Variants in THNSL1 observed in about 807,000 individuals in gnomAD.
The protein encoded by THNSL1 is threonine synthase like 1, also known as threonine synthase-like 1.
A neutral mutation model predicts 50.4 loss-of-function variants in THNSL1; 48 were observed. The observed-to-expected ratio is 0.95, with a 90% CI of 0.76 to 1.21. THNSL1 has a LOEUF of 1.21. THNSL1 is among the 50% of genes most tolerant of loss of function. THNSL1 has a pLI of 0.00. For missense variants in THNSL1, 896 were observed against 871.7 expected (o/e 1.03, Z -0.35); for synonymous variants, 309 against 306.1 (o/e 1.01, Z -0.10).
rs1359309963 is a variant in THNSL1, at chr10:25,021,913, G to A, written c.-49+5G>A. The A allele has an allele frequency of 6.6e-6, 1 of 152,138 alleles. No individual in the cohort carries two copies. Among genetic ancestry groups the A allele is most frequent in the Non-Finnish European group, 1.5e-5 (1 of 68,012 alleles). The allele number at this position is 152,138 out of a possible 1,614,324, so 9.4% of individuals were successfully genotyped here. On this transcript the variant is annotated splice_donor_5th_base_variant and intron_variant, in intron 2 of 2. Coordinates refer to ENST00000376356, the MANE Select transcript of THNSL1 (RefSeq NM_024838.5). ...TTGACGGCTCTAATTTTACTTGTAAGTTAAATTCAGAGTTAGCTTAAAATC... is the reference window on the plus strand; with the variant it reads ...TTGACGGCTCTAATTTTACTTGTAAATTAAATTCAGAGTTAGCTTAAAATC...
chr10:24,998,303 C>T, the THNSL1 span, among the ~76,000 whole-genome samples: 1 of 150,032 alleles, frequency 6.7e-6, no homozygotes, highest in African/African-American at 2.4e-5. Flanking sequence ...CTTCTCTTCT[C>T]TTCTCCTCTC....
upstream of THNSL1, chr10:25,016,073 C>A (rs1225539469): frequency 1.4e-6 from 2 of 1,401,210 alleles, no homozygotes; most frequent in Non-Finnish European, 1.9e-6. Flanking sequence ...TCCTTCACAT[C>A]GTCCCCCTTT....
intron 1 of THNSL1, among the ~76,000 whole-genome samples, chr10:25,018,611 C>G (rs530663123): frequency 6.6e-6 from 1 of 151,180 alleles, no homozygotes; most frequent in Non-Finnish European, 1.5e-5. Context: ...GATCCTAGAT[C>G]CCCGTATATA....
the THNSL1 span, among the ~76,000 whole-genome samples, chr10:24,974,691 A>T: frequency 7.9e-5 from 12 of 152,338 alleles, no homozygotes; most frequent in African/African-American, 2.9e-4. Flanking sequence ...TACCGAAATA[A>T]CTAGAAATTT....
At chr10:24,977,541 A>G in the THNSL1 span, among the ~76,000 whole-genome samples, 3 of 152,194 alleles carry the variant, frequency 2.0e-5, no homozygotes, top group Non-Finnish European at 4.4e-5. Context: ...TTAGATGTCC[A>G]TCAATAGGGT....
chr10:24,985,753 CT>C, the THNSL1 span, among the ~76,000 whole-genome samples: 4 of 152,188 alleles, frequency 2.6e-5, no homozygotes, highest in Non-Finnish European at 5.9e-5. Flanking sequence ...TAAGTCAACA[CT>C]TTTTAATTAT....
chr10:24,959,996 T>C, the THNSL1 span, among the ~76,000 whole-genome samples: 2 of 152,200 alleles, frequency 1.3e-5, no homozygotes, highest in African/African-American at 4.8e-5. Flanking sequence ...AACTTGGTGT[T>C]TTCCTAGAAG....
At chr10:24,979,031 C>A in the THNSL1 span, among the ~76,000 whole-genome samples, 1 of 152,170 alleles carries the variant, frequency 6.6e-6, no homozygotes, top group Admixed American at 6.6e-5. Context: ...CTCTTTTCTT[C>A]CCCCGATCTG....
chr10:24,998,086 G>A, the THNSL1 span, among the ~76,000 whole-genome samples: 1 of 152,120 alleles, frequency 6.6e-6, no homozygotes, highest in Non-Finnish European at 1.5e-5. Flanking sequence ...TTGCCTGATA[G>A]TGCCCTCACC....
At chr10:24,995,006 A>G in the THNSL1 span, among the ~76,000 whole-genome samples, 5,602 of 152,216 alleles carry the variant, frequency 0.037, 246 homozygotes, top group African/African-American at 0.11. Flanking sequence ...GGGAAACAGC[A>G]TGAGAATATG....
At chr10:24,954,369 C>T in the THNSL1 span, among the ~76,000 whole-genome samples, 1 of 152,008 alleles carries the variant, frequency 6.6e-6, no homozygotes, top group African/African-American at 2.4e-5. Context: ...GACCATCTTA[C>T]TGCTTGGATA....
At chr10:24,968,231 T>A in the THNSL1 span, among the ~76,000 whole-genome samples, 2 of 152,122 alleles carry the variant, frequency 1.3e-5, no homozygotes, top group Non-Finnish European at 2.9e-5. Context: ...AGGAAAGAAC[T>A]CTCTCTCTGT....
intron 1 of THNSL1, among the ~76,000 whole-genome samples, chr10:25,018,415 T>G (rs1488058092): frequency 6.6e-6 from 1 of 152,252 alleles, no homozygotes; most frequent in Non-Finnish European, 1.5e-5. Flanking sequence ...AGTAAATATT[T>G]CAGGCCTTTT....
At chr10:24,973,204 C>A in the THNSL1 span, among the ~76,000 whole-genome samples, 1 of 152,088 alleles carries the variant, frequency 6.6e-6, no homozygotes, top group Non-Finnish European at 1.5e-5. Flanking sequence ...GACTTGCCAG[C>A]AGCACTACTC....
upstream of THNSL1, among the ~76,000 whole-genome samples, chr10:25,013,697 C>T (rs1431942725): frequency 6.6e-6 from 1 of 152,314 alleles, no homozygotes; most frequent in East Asian, 1.9e-4. Context: ...AATCATAGCA[C>T]TTTGGGAGGC....
the THNSL1 span, among the ~76,000 whole-genome samples, chr10:24,996,155 T>C: frequency 2.0e-5 from 3 of 152,186 alleles, no homozygotes; most frequent in Non-Finnish European, 4.4e-5. Context: ...AATCAATTAA[T>C]ATGTTGAGGA....
At chr10:25,019,996 A>AATGAGGAT (rs1181204402) in intron 1 of THNSL1, among the ~76,000 whole-genome samples, 1 of 152,166 alleles carries the variant, frequency 6.6e-6, no homozygotes, top group East Asian at 1.9e-4. Context: ...TCAAAAAAGA[A>AATGAGGAT]ATGAGGATGT....
chr10:25,016,156 T>G (rs562056422), upstream of THNSL1: 155 of 1,209,844 alleles, frequency 1.3e-4, no homozygotes, highest in African/African-American at 2.3e-3. Context: ...CGTCGTTGAC[T>G]GTGCGGTTGC....
chr10:25,016,491 C>T (rs1450569979), upstream of THNSL1, among the ~76,000 whole-genome samples: 1 of 152,198 alleles, frequency 6.6e-6, no homozygotes, highest in Non-Finnish European at 1.5e-5. Context: ...CACGAGGACG[C>T]AAGGCCAGCG....
Sources: allele counts gnomAD v4.1 joint callset (sites outside exome capture counted in the v4.1 genomes callset), GRCh38; gene constraint gnomAD v4.1.1; transcripts MANE v1.5; gene names NCBI Gene and HGNC (gene_info 2026-07-23, HGNC 2026-07-21).